STAG2: variants seen among roughly 807,000 people sequenced by gnomAD.
The protein encoded by STAG2 is STAG2 cohesin complex component, also known as cohesin subunit SA-2.
In STAG2, 14 loss-of-function variants were observed where a neutral mutation model predicts 108.1. The ratio of observed to expected loss-of-function variants is 0.13; its 90% CI spans 0.09 to 0.20. The LOEUF (loss-of-function observed/expected upper bound fraction) is 0.20. Among genes scored for constraint, STAG2 ranks in the 10% least tolerant of loss-of-function variants. The pLI is 1.00. For synonymous variants in STAG2, 307 were observed against 302.7 expected (o/e 1.01, Z -0.15); for missense variants, 440 against 940.9 (o/e 0.47, Z 6.96).
intron 28 of STAG2, 63 bp downstream of exon 28, chrX:124,081,591 C>G: frequency 1.1e-6 from 1 of 894,148 alleles, no homozygotes. Flanking sequence ...ATTTTTAAAT[C>G]TAGCCCTTTC....
chrX:124,057,568 A>G (rs2058243188), intron 14 of STAG2, among the ~76,000 whole-genome samples: 1 of 112,490 alleles, frequency 8.9e-6, no homozygotes. Context: ...TACTACTTTT[A>G]TGGAAGGCAA....
intron 15 of STAG2, among the ~76,000 whole-genome samples, chrX:124,058,442 C>T (rs778580331): frequency 7.1e-5 from 8 of 112,363 alleles, no homozygotes; most frequent in African/African-American, 2.3e-4. Flanking sequence ...TGAGCCACTG[C>T]GCCCGGTCAC....
At chrX:124,064,746 G>T (rs766280277) in intron 20 of STAG2, among the ~76,000 whole-genome samples, 1 of 111,252 alleles carries the variant, frequency 9.0e-6, no homozygotes, top group Non-Finnish European at 1.9e-5. Flanking sequence ...TCCAGTCTGG[G>T]TTTTGATATT....
intron 34 of STAG2, among the ~76,000 whole-genome samples, chrX:124,096,249 C>G (rs759464544): frequency 4.9e-4 from 54 of 111,288 alleles, no homozygotes; most frequent in Admixed American, 1.5e-3. Flanking sequence ...CTTTTATGAT[C>G]TGGTTCCCTT....
At chrX:124,013,228 T>C (rs1160876261) in intron 1 of STAG2, among the ~76,000 whole-genome samples, 1 of 111,463 alleles carries the variant, frequency 9.0e-6, no homozygotes, top group African/African-American at 3.3e-5. Context: ...CATGTTTATT[T>C]GTTATGTCTT....
chrX:123,989,997 G>A (rs1403936617), intron 1 of STAG2, among the ~76,000 whole-genome samples: 1 of 111,992 alleles, frequency 8.9e-6, no homozygotes, highest in Non-Finnish European at 1.9e-5. Flanking sequence ...TACTGGTAGA[G>A]GGTCTTGACT....
At chrX:123,975,186 G>A (rs188051934) in intron 1 of STAG2, among the ~76,000 whole-genome samples, 180 of 111,150 alleles carry the variant, frequency 1.6e-3, no homozygotes, top group African/African-American at 5.6e-3. Context: ...TATAAAGATA[G>A]GAAAATGAAC....
intron 5 of STAG2, among the ~76,000 whole-genome samples, chrX:124,034,796 T>A (rs1487759010): frequency 1.8e-5 from 2 of 111,383 alleles, no homozygotes; most frequent in Admixed American, 9.6e-5. Context: ...TGCTAATTCT[T>A]TGATCAAAGA....
chrX:124,035,143 T>C (rs1361867780), intron 5 of STAG2, among the ~76,000 whole-genome samples: 3 of 110,796 alleles, frequency 2.7e-5, no homozygotes, highest in Non-Finnish European at 5.7e-5. Context: ...TAAGTGATAG[T>C]CAATAAATGC....
Position 124,047,427 on chromosome X carries a change from A to G in STAG2, c.741A>G (p.Gln247=). Residue 247 remains glutamine, a synonymous_variant, in exon 9 of 35, where the codon CAA becomes CAG. Transcript: ENST00000371145. ...TTAATATGGATAATACACAAAGACA[A>G]TATGAAGCAGAACGGAATAAAATGA... ...LSINMDNTQR[Q]YEAERNKMIG... 8.3e-7 allele frequency: 1 copy of G among 1,207,920 alleles called. No individual in the cohort carries two copies. Among genetic ancestry groups the G allele is most frequent in the Non-Finnish European group, 1.1e-6 (1 of 892,721 alleles).
chrX:124,008,277 G>A (rs1297380058), intron 1 of STAG2, among the ~76,000 whole-genome samples: 7 of 104,349 alleles, frequency 6.7e-5, no homozygotes, highest in Admixed American at 3.1e-4. Flanking sequence ...GCAATGGTGC[G>A]ATCTCGGCTC....
At position 124,061,204 on chromosome X, in the gene STAG2, T is replaced by G; in HGVS notation, c.1417-20T>G. 8.9e-7 allele frequency: 1 copy of G among 1,120,013 alleles called. No individual in the cohort carries two copies. The highest frequency in any genetic ancestry group is 1.2e-6 in the Non-Finnish European group (1 of 821,535). 92.3% of individuals were successfully genotyped at this position (1,120,013 alleles called of 1,213,427 possible). Reference sequence around the variant, plus strand: ...AGTATGATAATTGTCTAAGACCACATTGCTCTTTTTAAATTTTAGTTACAT... The same window carrying G: ...AGTATGATAATTGTCTAAGACCACAGTGCTCTTTTTAAATTTTAGTTACAT... On this transcript the variant is annotated intron_variant, in intron 15 of 34. Coordinates refer to ENST00000371145, the MANE Select transcript of STAG2 (RefSeq NM_001042750.2).
chrX:123,992,622 T>C (rs979428542), intron 1 of STAG2, among the ~76,000 whole-genome samples: 4 of 110,190 alleles, frequency 3.6e-5, no homozygotes, highest in African/African-American at 1.3e-4. Flanking sequence ...CACTGAAACG[T>C]CTACCTCCCA....
At chrX:123,969,259 CAT>C (rs771845081) in intron 1 of STAG2, among the ~76,000 whole-genome samples, 79 of 110,885 alleles carry the variant, frequency 7.1e-4, no homozygotes, top group Admixed American at 5.1e-3. Context: ...GGGGGGGAAT[CAT>C]GTGATACATG....
At chrX:124,067,889 A>C (rs1330250712) in intron 23 of STAG2, among the ~76,000 whole-genome samples, 5 of 110,740 alleles carry the variant, frequency 4.5e-5, no homozygotes, top group African/African-American at 1.6e-4. Context: ...AAAATTAGCC[A>C]GGTGTGATGG....
chrX:123,966,376 C>T (rs926389291), intron 1 of STAG2, among the ~76,000 whole-genome samples: 2 of 109,537 alleles, frequency 1.8e-5, no homozygotes, highest in African/African-American at 6.7e-5. Flanking sequence ...GCAGGAGAAT[C>T]GCTTGAACCT....
chrX:124,009,388 T>A (rs745566666), intron 1 of STAG2, among the ~76,000 whole-genome samples: 22 of 101,552 alleles, frequency 2.2e-4, no homozygotes, highest in African/African-American at 7.5e-4. Context: ...ACCAGTAATC[T>A]AACCAGGTAG....
Position 123,983,974 on chromosome X carries a change from C to CTTTTTTTTTTTTTTTTTTTTTTTTTT in STAG2, c.-163+22139_-163+22140insTTTTTTTTTTTTTTTTTTTTTTTTTT, listed in dbSNP as rs199881082. Reference sequence around the variant, plus strand: ...AAAAAGAATAATTTTCTTTTCTTTTCTTTTTTTTTTTTTTTTTTTTTGAGA... The same window carrying CTTTTTTTTTTTTTTTTTTTTTTTTTT: ...AAAAAGAATAATTTTCTTTTCTTTTCTTTTTTTTTTTTTTTTTTTTTTTTTTTTTTTTTTTTTTTTTTTTTTTGAGA... On this transcript the variant is annotated intron_variant, in intron 1 of 34. Coordinates refer to ENST00000371145, the MANE Select transcript of STAG2 (RefSeq NM_001042750.2). 5.9e-4 allele frequency among the ~76,000 whole-genome samples: 36 copies of CTTTTTTTTTTTTTTTTTTTTTTTTTT among 61,478 alleles called. 7 individuals carry two copies. Among genetic ancestry groups the CTTTTTTTTTTTTTTTTTTTTTTTTTT allele is most frequent in the African/African-American group, 2.9e-3 (32 of 10,954 alleles). 53.4% of individuals were successfully genotyped at this position (61,478 alleles called of 115,157 possible). A position where few individuals can be genotyped will look rare whatever the true frequency, so the allele number is the denominator to read the frequency against.
Position 124,080,688 on chromosome X carries a change from C to CA in STAG2, c.2776-681dup, listed in dbSNP as rs1414388921. Among the ~76,000 whole-genome samples, 323 of 96,418 alleles carry CA rather than the reference C, an allele frequency of 3.4e-3. 1 individual carries two copies. The highest frequency in any genetic ancestry group is 4.0e-3 in the Non-Finnish European group (189 of 47,408). 83.7% of individuals were successfully genotyped at this position (96,418 alleles called of 115,157 possible). On this transcript the variant is annotated intron_variant, in intron 27 of 34. Transcript: ENST00000371145. ...GGGTGATAGAACGAGACTCTGTCTC[C>CA]AAAAAAAAAAAGTTGACACATAATT... is the stretch of plus-strand genomic sequence containing the variant.
Sources: allele counts gnomAD v4.1 joint callset (sites outside exome capture counted in the v4.1 genomes callset), GRCh38; gene constraint gnomAD v4.1.1; transcripts MANE v1.5; gene names NCBI Gene and HGNC (gene_info 2026-07-23, HGNC 2026-07-21).